GRM1: variants seen among roughly 807,000 people sequenced by gnomAD.
The protein encoded by GRM1 is glutamate metabotropic receptor 1, also known as metabotropic glutamate receptor 1.
GRM1 carries 33 observed loss-of-function variants against 90.9 expected under a neutral mutation model. The observed-to-expected ratio is 0.36, with a 90% CI of 0.28 to 0.49. GRM1 has a LOEUF of 0.49. GRM1 is among the 20% of genes least tolerant of loss of function. GRM1 has a pLI of 0.99. For synonymous variants in GRM1, 700 were observed against 613.2 expected, an observed-to-expected ratio of 1.14 and a Z score of -2.09; for missense variants, 1,190 against 1,534.3, an observed-to-expected ratio of 0.78 and a Z score of 3.75.
At chr6:146,395,251 T>C (rs565165775) in intron 6 of GRM1, among the ~76,000 whole-genome samples, 1 of 152,222 alleles carries the variant, frequency 6.6e-6, no homozygotes, top group South Asian at 2.1e-4. Context: ...TTTTAAATTA[T>C]AACTGTTTTT....
chr6:146,340,070 G>C (rs565866225), intron 3 of GRM1, among the ~76,000 whole-genome samples: 3 of 152,202 alleles, frequency 2.0e-5, no homozygotes, highest in African/African-American at 7.2e-5. Context: ...GAGGCATAAG[G>C]AAATCATTTC....
At chr6:146,056,327 G>A (rs1775478760) in intron 1 of GRM1, among the ~76,000 whole-genome samples, 3 of 152,062 alleles carry the variant, frequency 2.0e-5, no homozygotes, top group Admixed American at 2.0e-4. Context: ...GTGGTCATGG[G>A]AGAAGGTAGA....
At chr6:146,179,247 A>G (rs1047945625) in intron 2 of GRM1, among the ~76,000 whole-genome samples, 3 of 152,200 alleles carry the variant, frequency 2.0e-5, no homozygotes, top group African/African-American at 7.2e-5. Flanking sequence ...TTCAGATCCC[A>G]CTACCTAAAA....
At chr6:146,304,571 T>G in intron 2 of GRM1, 40 bp from the exon 3 acceptor site, 1 of 1,315,242 alleles carries the variant, frequency 7.6e-7, no homozygotes, top group Non-Finnish European at 1.1e-6. Context: ...GTGAGATGTT[T>G]GTCTTTCTCT....
intron 2 of GRM1, 70 bp from the exon 3 acceptor site, chr6:146,304,541 T>C (rs574665762): frequency 3.5e-5 from 37 of 1,063,258 alleles, no homozygotes; most frequent in Non-Finnish European, 5.2e-5. Context: ...TTCATTCATA[T>C]ATAACTCTGA....
intron 2 of GRM1, among the ~76,000 whole-genome samples, chr6:146,248,795 T>C (rs1469311707): frequency 2.6e-5 from 4 of 152,252 alleles, no homozygotes; most frequent in Admixed American, 2.6e-4. Context: ...CCTAGAGACT[T>C]GTTGAATGGT....
chr6:146,304,562 T>G, intron 2 of GRM1, 49 bp from the exon 3 acceptor site: 252 of 1,208,568 alleles, frequency 2.1e-4, no homozygotes, highest in Non-Finnish European at 2.8e-4. Context: ...GCTCTATTTG[T>G]GAGATGTTTG....
chr6:146,395,530 A>C (rs569962735), intron 6 of GRM1, among the ~76,000 whole-genome samples: 2 of 152,244 alleles, frequency 1.3e-5, no homozygotes, highest in Admixed American at 6.5e-5. Context: ...TCTTGCATTT[A>C]AACATTTTTC....
chr6:146,061,456 A>T (rs1775666399), intron 1 of GRM1, among the ~76,000 whole-genome samples: 1 of 152,210 alleles, frequency 6.6e-6, no homozygotes, highest in South Asian at 2.1e-4. Context: ...ATTAAGCCAA[A>T]ATTGACAAAT....
chr6:146,209,102 A>G (rs980802468), intron 2 of GRM1, among the ~76,000 whole-genome samples: 22 of 152,148 alleles, frequency 1.4e-4, no homozygotes, highest in African/African-American at 4.8e-4. Context: ...AGAAATAGAG[A>G]CCTAAGTCAT....
chr6:146,350,641 A>G (rs1785372891), intron 3 of GRM1, among the ~76,000 whole-genome samples: 1 of 152,164 alleles, frequency 6.6e-6, no homozygotes, highest in Non-Finnish European at 1.5e-5. Context: ...AAGAAAACCA[A>G]CAGTAAGGGC....
chr6:146,332,882 T>C (rs2114997861), intron 3 of GRM1, among the ~76,000 whole-genome samples: 1 of 152,298 alleles, frequency 6.6e-6, no homozygotes, highest in East Asian at 1.9e-4. Context: ...AGAGGGTTAG[T>C]TCCTGATATT....
At chr6:146,263,917 C>T (rs1161594562) in intron 2 of GRM1, among the ~76,000 whole-genome samples, 1 of 152,072 alleles carries the variant, frequency 6.6e-6, no homozygotes, top group African/African-American at 2.4e-5. Flanking sequence ...TAGTCTTTTA[C>T]TGTTGGCAAT....
chr6:146,143,478 T>C (rs950925331), intron 1 of GRM1, among the ~76,000 whole-genome samples: 2 of 152,188 alleles, frequency 1.3e-5, no homozygotes, highest in African/African-American at 2.4e-5. Context: ...GTCTTTCTGT[T>C]AGTTCAGGTT....
At chr6:146,275,444 A>G (rs905799728) in intron 2 of GRM1, among the ~76,000 whole-genome samples, 3 of 151,980 alleles carry the variant, frequency 2.0e-5, no homozygotes, top group Admixed American at 1.3e-4. Context: ...AATCAAGTTC[A>G]TTTCATGGAC....
intron 2 of GRM1, among the ~76,000 whole-genome samples, chr6:146,163,941 A>G (rs1207511872): frequency 6.6e-6 from 1 of 152,138 alleles, no homozygotes; most frequent in Non-Finnish European, 1.5e-5. Flanking sequence ...TTACAATGTC[A>G]TTCTCTTTGC....
chr6:146,329,479 G>A (rs1370799369), intron 3 of GRM1, among the ~76,000 whole-genome samples: 1 of 152,186 alleles, frequency 6.6e-6, no homozygotes, highest in Non-Finnish European at 1.5e-5. Flanking sequence ...AAGGCAGGGT[G>A]TTGCGAGAGA....
chr6:146,145,473 A>C (rs1397619040), intron 1 of GRM1, among the ~76,000 whole-genome samples: 1 of 152,192 alleles, frequency 6.6e-6, no homozygotes, highest in Non-Finnish European at 1.5e-5. Context: ...GTCCCCAAGC[A>C]CACTGCGCAG....
chr6:146,171,895 G>A, intron 2 of GRM1: 1 of 233,998 alleles, frequency 4.3e-6, no homozygotes, highest in Non-Finnish European at 8.9e-6. Context: ...CCAGCCACCA[G>A]CCTCTATACT....
Sources: allele counts gnomAD v4.1 joint callset (sites outside exome capture counted in the v4.1 genomes callset), GRCh38; gene constraint gnomAD v4.1.1; transcripts MANE v1.5; gene names NCBI Gene and HGNC (gene_info 2026-07-23, HGNC 2026-07-21).